MEGF11: variants seen among roughly 807,000 people sequenced by gnomAD.
MEGF11 encodes the protein multiple epidermal growth factor-like domains protein 11.
Under a neutral mutation model 146.6 loss-of-function variants are expected in MEGF11, and 126 were observed. The ratio of observed to expected loss-of-function variants is 0.86; its 90% CI spans 0.74 to 1.00. The LOEUF (loss-of-function observed/expected upper bound fraction) is 1.00. Among genes scored for constraint, MEGF11 ranks in the 50% least tolerant of loss-of-function variants. MEGF11 has a pLI of 0.00. For missense variants in MEGF11, 1,509 were observed against 1,521.2 expected (o/e 0.99, Z 0.13); for synonymous variants, 532 against 583.4 (o/e 0.91, Z 1.27).
chr15:66,207,912 G>T (rs1015029157), intron 1 of MEGF11, among the ~76,000 whole-genome samples: 3 of 151,980 alleles, frequency 2.0e-5, no homozygotes, highest in Non-Finnish European at 2.9e-5. Context: ...GCAAAACCCT[G>T]TCTCTACTAA....
intron 5 of MEGF11, among the ~76,000 whole-genome samples, chr15:66,010,496 T>A (rs1015254578): frequency 1.3e-5 from 2 of 152,060 alleles, no homozygotes; most frequent in Non-Finnish European, 2.9e-5. Context: ...CCCAGCAAAA[T>A]CTCATAATGT....
At position 65,897,852 on chromosome 15, in the gene MEGF11, C is replaced by G. The variant is rs2078387444; in HGVS notation, c.*82G>C. 2 of 1,348,626 alleles carry G rather than the reference C, an allele frequency of 1.5e-6. No homozygotes were observed. Among genetic ancestry groups the G allele is most frequent in the African/African-American group, 2.9e-5 (2 of 68,652 alleles). The allele number at this position is 1,348,626 out of a possible 1,614,324, so 83.5% of individuals were successfully genotyped here. On this transcript the variant is annotated 3_prime_UTR_variant, in exon 26 of 26. Coordinates refer to ENST00000395614, the MANE Select transcript of MEGF11 (RefSeq NM_001385028.1). ...ACATGCAGCTGGAGCCAGTCTGTACCATTACTTCAAGTCAAGGGACTGTCT... is the reference window on the plus strand; with the variant it reads ...ACATGCAGCTGGAGCCAGTCTGTACGATTACTTCAAGTCAAGGGACTGTCT...
At chr15:66,106,093 AC>A (rs2087060518) in intron 4 of MEGF11, among the ~76,000 whole-genome samples, 1 of 151,904 alleles carries the variant, frequency 6.6e-6, no homozygotes, top group Non-Finnish European at 1.5e-5. Flanking sequence ...CCCCTTCCCC[AC>A]CCCATCAGGA....
At chr15:65,944,278 C>A (rs1308489110) in intron 10 of MEGF11, among the ~76,000 whole-genome samples, 1 of 152,070 alleles carries the variant, frequency 6.6e-6, no homozygotes, top group Non-Finnish European at 1.5e-5. Flanking sequence ...TGTCAGTGTC[C>A]TGTGGAAAGG....
chr15:66,008,409 G>GCA (rs1227561238), intron 5 of MEGF11, among the ~76,000 whole-genome samples: 21 of 46,574 alleles, frequency 4.5e-4, no homozygotes, highest in African/African-American at 1.3e-3. Context: ...ACACGCGCGC[G>GCA]CGCACACACA....
intron 8 of MEGF11, among the ~76,000 whole-genome samples, chr15:65,969,322 C>G (rs973289408): frequency 6.6e-6 from 1 of 152,196 alleles, no homozygotes; most frequent in Admixed American, 6.5e-5. Flanking sequence ...CTTCCTGATT[C>G]CAGTCCGTAC....
At chr15:66,145,596 G>C (rs1180490682) in intron 1 of MEGF11, among the ~76,000 whole-genome samples, 4 of 152,180 alleles carry the variant, frequency 2.6e-5, no homozygotes, top group Non-Finnish European at 5.9e-5. Context: ...TAGGGGGCTG[G>C]GCCGAAGCTT....
At chr15:66,190,346 C>T (rs1191647138) in intron 1 of MEGF11, among the ~76,000 whole-genome samples, 1 of 152,182 alleles carries the variant, frequency 6.6e-6, no homozygotes, top group Non-Finnish European at 1.5e-5. Flanking sequence ...AAGCGATCCT[C>T]CCACCTCAGC....
chr15:65,915,362 G>T, intron 19 of MEGF11, 108 bp downstream of exon 19: 1 of 1,411,182 alleles, frequency 7.1e-7, no homozygotes. Context: ...CCTCACAAAT[G>T]TGAATAAAGG....
At chr15:66,162,809 A>T (rs1251412443) in intron 1 of MEGF11, among the ~76,000 whole-genome samples, 1 of 152,172 alleles carries the variant, frequency 6.6e-6, no homozygotes, top group Non-Finnish European at 1.5e-5. Context: ...CCTCAACAGG[A>T]AAGGAAAAGT....
At chr15:65,964,058 T>G (rs891694458) in intron 9 of MEGF11, among the ~76,000 whole-genome samples, 2 of 152,198 alleles carry the variant, frequency 1.3e-5, no homozygotes, top group African/African-American at 4.8e-5. Context: ...TCCCCTGACC[T>G]TCATCACCCA....
chr15:66,151,272 G>A (rs1423634362), intron 1 of MEGF11, among the ~76,000 whole-genome samples: 2 of 152,182 alleles, frequency 1.3e-5, no homozygotes, highest in Non-Finnish European at 2.9e-5. Context: ...GGAGGACAGA[G>A]CAAAGAGAGG....
intron 1 of MEGF11, among the ~76,000 whole-genome samples, chr15:66,152,896 C>T (rs1431564723): frequency 2.6e-5 from 4 of 152,184 alleles, no homozygotes; most frequent in Admixed American, 1.3e-4. Flanking sequence ...TGCCCCTCCC[C>T]GCCGAAGCCA....
chr15:65,955,791 T>C (rs367587825), intron 10 of MEGF11, among the ~76,000 whole-genome samples: 438 of 9,036 alleles, frequency 0.048, 49 homozygotes, highest in African/African-American at 0.06. Context: ...TATATATATA[T>C]ATACACACAC....
At chr15:66,045,672 A>G (rs2084175633) in intron 5 of MEGF11, among the ~76,000 whole-genome samples, 1 of 151,564 alleles carries the variant, frequency 6.6e-6, no homozygotes, top group Non-Finnish European at 1.5e-5. Flanking sequence ...ATATACCCTA[A>G]CTCCCTCAGT....
intron 7 of MEGF11, among the ~76,000 whole-genome samples, chr15:65,978,405 T>G (rs1351318639): frequency 1.3e-5 from 2 of 152,142 alleles, no homozygotes; most frequent in Non-Finnish European, 2.9e-5. Flanking sequence ...GAAATTCAAT[T>G]GTCTACAATA....
chr15:65,924,728 A>C (rs2079309128), intron 13 of MEGF11, among the ~76,000 whole-genome samples: 1 of 148,844 alleles, frequency 6.7e-6, no homozygotes, highest in African/African-American at 2.5e-5. Context: ...TCCGGGGTTC[A>C]AGCAATTCTG....
At chr15:66,212,455 T>G (rs1387169497) in intron 1 of MEGF11, among the ~76,000 whole-genome samples, 1 of 152,044 alleles carries the variant, frequency 6.6e-6, no homozygotes, top group African/African-American at 2.4e-5. Context: ...GGCCCTACCC[T>G]AGGCCTCTAA....
At chr15:66,129,437 A>G (rs1469904879) in intron 1 of MEGF11, among the ~76,000 whole-genome samples, 1 of 152,258 alleles carries the variant, frequency 6.6e-6, no homozygotes, top group Admixed American at 6.5e-5. Context: ...TCATGTGTAC[A>G]TAGATGCTAT....
Sources: allele counts gnomAD v4.1 joint callset (sites outside exome capture counted in the v4.1 genomes callset), GRCh38; gene constraint gnomAD v4.1.1; transcripts MANE v1.5; gene names NCBI Gene and HGNC (gene_info 2026-07-23, HGNC 2026-07-21).